The following NXPE2 variants were observed in gnomAD, a reference collection of about 807,000 sequenced individuals.
NXPE2 encodes neurexophilin and PC-esterase domain family member 2, also known as NXPE family member 2.
A neutral mutation model predicts 34.4 loss-of-function variants in NXPE2; 34 were observed. That is an observed-to-expected ratio of 0.99 (90% confidence interval 0.75 to 1.31). The LOEUF is 1.31. NXPE2 is among the 40% of genes most tolerant of loss of function. The pLI is 0.00. For synonymous variants in NXPE2, 235 were observed against 231.3 expected (o/e 1.02, Z -0.15); for missense variants, 649 against 672.5 (o/e 0.97, Z 0.39).
At chr11:114,638,901 C>T in the NXPE2 span, among the ~76,000 whole-genome samples, 2 of 139,810 alleles carry the variant, frequency 1.4e-5, no homozygotes, top group African/African-American at 5.6e-5. Context: ...AGTTAGGCTG[C>T]TTGGGGGTCA....
the NXPE2 span, among the ~76,000 whole-genome samples, chr11:114,519,384 C>T: frequency 0.23 from 34,833 of 152,040 alleles, 5,665 homozygotes; most frequent in African/African-American, 0.45. Context: ...TAAAACCTCT[C>T]TCTAAAGAGA....
At chr11:114,807,104 G>A in the NXPE2 span, among the ~76,000 whole-genome samples, 1 of 150,534 alleles carries the variant, frequency 6.6e-6, no homozygotes, top group Non-Finnish European at 1.5e-5. Flanking sequence ...CTTCATAAGT[G>A]AGGGAGAAAT....
the NXPE2 span, among the ~76,000 whole-genome samples, chr11:114,713,562 T>A: frequency 6.6e-6 from 1 of 152,090 alleles, no homozygotes; most frequent in Non-Finnish European, 1.5e-5. Flanking sequence ...CCTGCAAATA[T>A]TTATTTCAAT....
chr11:114,488,884 C>T, the NXPE2 span, among the ~76,000 whole-genome samples: 3 of 151,472 alleles, frequency 2.0e-5, no homozygotes, highest in African/African-American at 7.3e-5. Context: ...GAGATAGAGA[C>T]ACAAAAAACC....
At chr11:114,587,502 G>T in the NXPE2 span, among the ~76,000 whole-genome samples, 28 of 152,236 alleles carry the variant, frequency 1.8e-4, no homozygotes, top group Non-Finnish European at 3.8e-4. Flanking sequence ...GATCACACAA[G>T]TCTAGAAAGT....
At chr11:114,504,568 A>G in the NXPE2 span, among the ~76,000 whole-genome samples, 5 of 152,188 alleles carry the variant, frequency 3.3e-5, no homozygotes, top group Non-Finnish European at 4.4e-5. Context: ...TTGAGGAGCT[A>G]GAGAACAAAG....
chr11:114,581,431 G>T, the NXPE2 span, among the ~76,000 whole-genome samples: 1 of 152,072 alleles, frequency 6.6e-6, no homozygotes, highest in Non-Finnish European at 1.5e-5. Context: ...TAAAGAAGTG[G>T]GTATAGAATT....
chr11:114,684,440 G>GA (rs890338756), intron 2 of NXPE2, among the ~76,000 whole-genome samples: 26 of 150,080 alleles, frequency 1.7e-4, no homozygotes, highest in African/African-American at 5.4e-4. Context: ...AAAAAGAAAA[G>GA]AAAAAAAAAT....
At chr11:114,611,599 C>G in the NXPE2 span, among the ~76,000 whole-genome samples, 11 of 146,230 alleles carry the variant, frequency 7.5e-5, no homozygotes, top group Non-Finnish European at 4.5e-5. Flanking sequence ...TGTCGTGGGT[C>G]ACAATTCTTA....
At chr11:114,644,717 C>A in the NXPE2 span, among the ~76,000 whole-genome samples, 1 of 151,716 alleles carries the variant, frequency 6.6e-6, no homozygotes, top group Non-Finnish European at 1.5e-5. Context: ...TTTATCAAAT[C>A]TCTATAAGCT....
chr11:114,656,192 G>T, the NXPE2 span, among the ~76,000 whole-genome samples: 1 of 151,376 alleles, frequency 6.6e-6, no homozygotes, highest in African/African-American at 2.4e-5. Flanking sequence ...ACTACAAAGA[G>T]AATAAAATAC....
the NXPE2 span, among the ~76,000 whole-genome samples, chr11:114,617,340 G>A: frequency 6.6e-6 from 1 of 151,146 alleles, no homozygotes; most frequent in Admixed American, 6.6e-5. Context: ...ACTCTTACCT[G>A]GTGGATAATA....
chr11:114,759,011 A>G, the NXPE2 span, among the ~76,000 whole-genome samples: 1 of 152,070 alleles, frequency 6.6e-6, no homozygotes, highest in African/African-American at 2.4e-5. Flanking sequence ...ACACATGTGC[A>G]TGTGCTCACA....
chr11:114,702,373 C>T (rs1048671868), intron 3 of NXPE2, among the ~76,000 whole-genome samples: 2 of 151,964 alleles, frequency 1.3e-5, no homozygotes, highest in Non-Finnish European at 2.9e-5. Flanking sequence ...ACAAGGTAGC[C>T]GGGTCTCAAT....
the NXPE2 span, among the ~76,000 whole-genome samples, chr11:114,810,537 A>T: frequency 6.6e-6 from 1 of 152,120 alleles, no homozygotes; most frequent in Middle Eastern, 3.2e-3. Flanking sequence ...GGATATGAAC[A>T]GACACTTCTT....
chr11:114,677,706 A>G (rs978446323), upstream of NXPE2, among the ~76,000 whole-genome samples: 1 of 152,104 alleles, frequency 6.6e-6, no homozygotes, highest in African/African-American at 2.4e-5. Context: ...CTATGTGTAT[A>G]TAAATATACA....
the NXPE2 span, among the ~76,000 whole-genome samples, chr11:114,488,887 A>G: frequency 6.7e-6 from 1 of 149,174 alleles, no homozygotes; most frequent in Non-Finnish European, 1.5e-5. Context: ...ATAGAGACAC[A>G]AAAAACCCTT....
the NXPE2 span, among the ~76,000 whole-genome samples, chr11:114,632,147 A>G: frequency 2.8e-5 from 4 of 142,948 alleles, no homozygotes; most frequent in African/African-American, 1.0e-4. Context: ...ATAATTTATT[A>G]TGTTATAAAT....
the NXPE2 span, among the ~76,000 whole-genome samples, chr11:114,564,746 G>A: frequency 1.3e-5 from 2 of 151,964 alleles, no homozygotes; most frequent in Non-Finnish European, 2.9e-5. Flanking sequence ...CCAGGACAAT[G>A]GATTGAATGC....
Sources: gnomAD v4.1 joint callset for allele counts (sites outside exome capture counted in the v4.1 genomes callset) on GRCh38, gnomAD v4.1.1 for gene constraint, MANE v1.5 for transcripts, NCBI Gene and HGNC (gene_info 2026-07-23, HGNC 2026-07-21) for gene names.